Variants in KIF6 observed in about 807,000 individuals in gnomAD.
The protein encoded by KIF6 is kinesin-like protein KIF6.
In KIF6, 106 loss-of-function variants were observed where a neutral mutation model predicts 112.7. The observed-to-expected ratio is 0.94, with a 90% confidence interval of 0.80 to 1.11. The LOEUF is 1.11. Among genes scored for constraint, KIF6 ranks in the 50% least tolerant of loss-of-function variants. KIF6 has a pLI of 0.00. For missense variants in KIF6, 929 were observed against 964.0 expected (o/e 0.96, Z 0.48); for synonymous variants, 339 against 339.9 (o/e 1.00, Z 0.03).
intron 5 of KIF6, among the ~76,000 whole-genome samples, chr6:39,622,352 T>C (rs562235294): frequency 6.6e-6 from 1 of 150,568 alleles, no homozygotes; most frequent in Non-Finnish European, 1.5e-5. Context: ...CTTTGATGTA[T>C]TAGAAATTTT....
intron 7 of KIF6, among the ~76,000 whole-genome samples, chr6:39,586,932 C>T (rs1781668056): frequency 6.6e-6 from 1 of 152,158 alleles, no homozygotes; most frequent in African/African-American, 2.4e-5. Context: ...AAAATAGTAT[C>T]TACCTCACAG....
intron 5 of KIF6, among the ~76,000 whole-genome samples, chr6:39,620,010 T>C (rs1337843281): frequency 6.6e-5 from 10 of 152,180 alleles, no homozygotes; most frequent in East Asian, 3.8e-4. Context: ...TATTGAAACA[T>C]GGTTTATCAT....
intron 13 of KIF6, among the ~76,000 whole-genome samples, chr6:39,481,557 G>T (rs191623451): frequency 9.2e-5 from 14 of 152,040 alleles, no homozygotes; most frequent in African/African-American, 3.4e-4. Context: ...ATAAATCCTT[G>T]CCAGACTAAT....
chr6:39,462,611 A>T (rs1213460484), intron 13 of KIF6, among the ~76,000 whole-genome samples: 1 of 152,176 alleles, frequency 6.6e-6, no homozygotes, highest in Non-Finnish European at 1.5e-5. Flanking sequence ...AGAGGTATTT[A>T]CTGAAGAATA....
chr6:39,707,789 C>CT, intron 3 of KIF6, among the ~76,000 whole-genome samples: 1 of 152,302 alleles, frequency 6.6e-6, no homozygotes, highest in African/African-American at 2.4e-5. Context: ...CACATTGTTT[C>CT]TTTTCATCTT....
At chr6:39,658,919 C>T (rs1306646977) in intron 3 of KIF6, among the ~76,000 whole-genome samples, 2 of 152,172 alleles carry the variant, frequency 1.3e-5, no homozygotes, top group Non-Finnish European at 2.9e-5. Flanking sequence ...AAACTTTGGG[C>T]TAGAAGGACC....
At chr6:39,618,450 A>G (rs1783644765) in intron 5 of KIF6, among the ~76,000 whole-genome samples, 1 of 152,190 alleles carries the variant, frequency 6.6e-6, no homozygotes, top group Non-Finnish European at 1.5e-5. Context: ...CAGCCATGAT[A>G]GGAAAGAAGG....
chr6:39,539,336 T>C lies in KIF6; in HGVS notation c.1645+667A>G, dbSNP rs1325298123. Among the ~76,000 whole-genome samples, 4 of 152,104 alleles carry C rather than the reference T, an allele frequency of 2.6e-5. No individual in the cohort carries two copies. The East Asian group carries it at 7.7e-4, about 29-fold the overall frequency. ...TTATTAATTTATTGTCATTTAAGTC[T>C]GTGGTATTATTATTTTATTATTTTT... On this transcript the variant is annotated intron_variant, in intron 13 of 22. Coordinates refer to ENST00000287152, the MANE Select transcript of KIF6 (RefSeq NM_145027.6).
At chr6:39,524,342 T>C (rs1282931713) in intron 13 of KIF6, among the ~76,000 whole-genome samples, 1 of 152,228 alleles carries the variant, frequency 6.6e-6, no homozygotes, top group Non-Finnish European at 1.5e-5. Flanking sequence ...TGGGCCATAT[T>C]ACTATAGAGT....
Position 39,596,180 on chromosome 6 carries a change from AG to A in KIF6, c.719del (p.Thr240MetfsTer23). 1 of 1,614,106 alleles carries A rather than the reference AG, an allele frequency of 6.2e-7. No individual in the cohort carries two copies. Among genetic ancestry groups the A allele is most frequent in the African/African-American group, 1.3e-5 (1 of 75,042 alleles). Reference protein sequence around the residue: ...HLSSKEPGSATVRHAKLHLVD... With the variant: ...HLSSKEPGSAXVRHAKLHLVD... ...CCAGATGGAGTTTGGCATGTCGTACAGTTGCAGATCCTGGTTCCTTGCTTGA... is the reference window on the plus strand; with the variant it reads ...CCAGATGGAGTTTGGCATGTCGTACATTGCAGATCCTGGTTCCTTGCTTGA... On this transcript the variant is annotated frameshift_variant, in exon 7 of 23. Transcript: ENST00000287152. LOFTEE classifies it high-confidence loss of function.
chr6:39,556,636 G>A (rs940139966), intron 10 of KIF6, among the ~76,000 whole-genome samples: 2 of 149,326 alleles, frequency 1.3e-5, no homozygotes, highest in African/African-American at 2.5e-5. Flanking sequence ...GAGGCAAGAC[G>A]GCCGGTGGGA....
chr6:39,596,111 C>G lies in KIF6; in HGVS notation c.789G>C (p.Gly263=), dbSNP rs192086315. 3.1e-5 allele frequency: 50 copies of G among 1,613,880 alleles called. No homozygotes were observed. The East Asian group carries it at 9.8e-4, about 32-fold the overall frequency. The part of the protein sequence containing the change: ...GSERVAKTGV[G]GHLLTEAKYI... ...ACTTGGCCTCTGTTAGAAGATGGCC[C>G]CCTACTCCAGTCTTTGCAACTCGCT... Residue 263 remains glycine, a synonymous_variant, in exon 7 of 23, where the codon GGG becomes GGC. Transcript: ENST00000287152.
Position 39,725,137 on chromosome 6 carries a change from CG to C in KIF6, c.66+107del, listed in dbSNP as rs1021498467. 20 of 866,960 alleles carry C rather than the reference CG, an allele frequency of 2.3e-5. No individual in the cohort carries two copies. In the African/African-American group the frequency reaches 3.6e-4, roughly 16 times the overall value. 53.7% of individuals were successfully genotyped at this position (866,960 alleles called of 1,614,324 possible). On this transcript the variant is annotated intron_variant, in intron 1 of 22. Coordinates refer to ENST00000287152, the MANE Select transcript of KIF6 (RefSeq NM_145027.6). ...TGTGCGGGATTCCGGGCGGCCTCGG[CG>C]CCCACCAGCAAGCCCCTCACCTCCG...
chr6:39,717,120 G>A (rs1056332957), intron 2 of KIF6, among the ~76,000 whole-genome samples: 1 of 152,050 alleles, frequency 6.6e-6, no homozygotes, highest in African/African-American at 2.4e-5. Context: ...GAGTGATCCT[G>A]CTAAAACATA....
intron 3 of KIF6, among the ~76,000 whole-genome samples, chr6:39,672,752 A>G (rs1420372574): frequency 6.6e-6 from 1 of 152,028 alleles, no homozygotes; most frequent in African/African-American, 2.4e-5. Flanking sequence ...TCCTCTTCCT[A>G]TAAAGTCTTG....
chr6:39,651,701 A>G (rs1785481794), intron 3 of KIF6, among the ~76,000 whole-genome samples: 1 of 152,198 alleles, frequency 6.6e-6, no homozygotes, highest in Non-Finnish European at 1.5e-5. Context: ...TTTTTGGGAA[A>G]ATTCAAACAC....
Position 39,586,299 on chromosome 6 carries a change from T to TGC in KIF6, c.951_952insGC (p.Met318AlafsTer2), listed in dbSNP as rs757647390. ...TTCTCCAAGGAGAGTGTTGCAATCA[T>TGC]AGTTGTCATGCAGTTCCCTCCCAAA... On this transcript the variant is annotated frameshift_variant, in exon 8 of 23. Coordinates refer to ENST00000287152, the MANE Select transcript of KIF6 (RefSeq NM_145027.6). LOFTEE classifies it high-confidence loss of function. 3.7e-4 allele frequency: 594 copies of TGC among 1,614,162 alleles called. No individual in the cohort carries two copies. Among genetic ancestry groups the TGC allele is most frequent in the Admixed American group, 8.5e-4 (51 of 60,036 alleles).
intron 5 of KIF6, among the ~76,000 whole-genome samples, chr6:39,615,993 G>C (rs1396655191): frequency 6.6e-6 from 1 of 152,108 alleles, no homozygotes; most frequent in Non-Finnish European, 1.5e-5. Context: ...ATCAAAAAAT[G>C]TAAGTAATAG....
In KIF6 at chr6:39,579,203, G is replaced by A. The variant is rs190756058; in HGVS notation, c.1078-1044C>T. ...CAAATTTACATTCCTATCAACTACA[G>A]ATGTAAGTTCCTGTTTCCACATTTT... On this transcript the variant is annotated intron_variant, in intron 9 of 22. Transcript: ENST00000287152. Among the ~76,000 whole-genome samples the A allele has an allele frequency of 1.7e-3, 262 of 152,262 alleles. 1 individual carries two copies. Among genetic ancestry groups the A allele is most frequent in the Non-Finnish European group, 2.9e-3 (195 of 67,992 alleles).
Sources: allele counts gnomAD v4.1 joint callset (sites outside exome capture counted in the v4.1 genomes callset), GRCh38; gene constraint gnomAD v4.1.1; transcripts MANE v1.5; gene names NCBI Gene and HGNC (gene_info 2026-07-23, HGNC 2026-07-21).